The following FOXJ3 variants were observed in gnomAD, a reference collection of about 807,000 sequenced individuals.
FOXJ3 encodes forkhead box protein J3.
A neutral mutation model predicts 76.1 loss-of-function variants in FOXJ3; 22 were observed. The ratio of observed to expected loss-of-function variants is 0.29; its 90% CI spans 0.21 to 0.41. The LOEUF is 0.41. Ranked by LOEUF, FOXJ3 falls within the 10% of genes least tolerant of loss-of-function variation. The pLI is 1.00. For synonymous variants in FOXJ3, 269 were observed against 261.2 expected (o/e 1.03, Z -0.29); for missense variants, 613 against 762.1 (o/e 0.80, Z 2.30).
At chr1:42,280,605 A>G (rs1177207986) in intron 2 of FOXJ3, among the ~76,000 whole-genome samples, 1 of 152,142 alleles carries the variant, frequency 6.6e-6, no homozygotes, top group Non-Finnish European at 1.5e-5. Flanking sequence ...TAGAGATCAG[A>G]GATGAATCCC....
intron 2 of FOXJ3, among the ~76,000 whole-genome samples, chr1:42,295,045 C>T (rs1653692963): frequency 6.6e-6 from 1 of 152,060 alleles, no homozygotes; most frequent in Admixed American, 6.5e-5. Context: ...AGTTAGTTTT[C>T]TTGAAACCAA....
At chr1:42,331,276 G>A (rs777298621) in intron 1 of FOXJ3, among the ~76,000 whole-genome samples, 1 of 152,100 alleles carries the variant, frequency 6.6e-6, no homozygotes, top group Non-Finnish European at 1.5e-5. Context: ...CAGCTACTGT[G>A]GAGGGTGAGG....
chr1:42,308,592 G>A (rs1654609203), intron 2 of FOXJ3, among the ~76,000 whole-genome samples: 1 of 152,084 alleles, frequency 6.6e-6, no homozygotes, highest in African/African-American at 2.4e-5. Context: ...GAATGCCGTA[G>A]GGCTTCTCGG....
chr1:42,202,431 C>G (rs1251570175), intron 6 of FOXJ3, among the ~76,000 whole-genome samples: 1 of 151,142 alleles, frequency 6.6e-6, no homozygotes, highest in Non-Finnish European at 1.5e-5. Context: ...AAGTAAAGAA[C>G]ATTAGTGAGC....
chr1:42,308,793 C>T (rs1377725824), intron 2 of FOXJ3, among the ~76,000 whole-genome samples: 1 of 152,034 alleles, frequency 6.6e-6, no homozygotes, highest in African/African-American at 2.4e-5. Flanking sequence ...TCTCTTTCAT[C>T]AAACAAAAGT....
At chr1:42,229,381 G>A (rs1261775772) in intron 4 of FOXJ3, among the ~76,000 whole-genome samples, 1 of 152,052 alleles carries the variant, frequency 6.6e-6, no homozygotes, top group African/African-American at 2.4e-5. Context: ...CAGACACAAA[G>A]CAAGTACTCA....
At chr1:42,295,490 T>C (rs374935690) in intron 2 of FOXJ3, among the ~76,000 whole-genome samples, 3 of 151,578 alleles carry the variant, frequency 2.0e-5, no homozygotes, top group Non-Finnish European at 4.4e-5. Context: ...TTTGCTGTTA[T>C]GAATAGTGTT....
At chr1:42,255,207 G>C (rs1342471887) in intron 4 of FOXJ3, among the ~76,000 whole-genome samples, 1 of 152,150 alleles carries the variant, frequency 6.6e-6, no homozygotes, top group South Asian at 2.1e-4. Context: ...AAATTATACT[G>C]TTGTAACGTT....
chr1:42,296,971 A>T (rs1398950285), intron 2 of FOXJ3, among the ~76,000 whole-genome samples: 1 of 152,064 alleles, frequency 6.6e-6, no homozygotes, highest in Non-Finnish European at 1.5e-5. Flanking sequence ...GTCATCTGCA[A>T]TTTCTTCCAT....
chr1:42,244,434 G>A (rs1649379967), intron 4 of FOXJ3, among the ~76,000 whole-genome samples: 1 of 152,124 alleles, frequency 6.6e-6, no homozygotes, highest in Non-Finnish European at 1.5e-5. Context: ...CAGGTATCCT[G>A]TTAGTCCTGG....
chr1:42,324,208 AC>A (rs1655676119), intron 1 of FOXJ3, among the ~76,000 whole-genome samples: 1 of 110,084 alleles, frequency 9.1e-6, no homozygotes, highest in African/African-American at 3.4e-5. Context: ...CTATATATAT[AC>A]TATATATATA....
intron 1 of FOXJ3, among the ~76,000 whole-genome samples, chr1:42,311,677 T>TAGTAGTAGTAGTAGTAGTAGTAGC (rs1654824480): frequency 1.3e-5 from 2 of 151,916 alleles, no homozygotes; most frequent in African/African-American, 4.8e-5. Flanking sequence ...GTAGTAGTAG[T>TAGTAGTAGTAGTAGTAGTAGTAGC]AAAGAGAAGC....
intron 4 of FOXJ3, among the ~76,000 whole-genome samples, chr1:42,260,683 GA>G (rs940575739): frequency 1.3e-5 from 2 of 150,726 alleles, no homozygotes; most frequent in African/African-American, 2.4e-5. Flanking sequence ...AATTTTTAAA[GA>G]AAAAAAAATC....
chr1:42,267,088 C>G (rs1651521968), intron 3 of FOXJ3, among the ~76,000 whole-genome samples: 1 of 152,056 alleles, frequency 6.6e-6, no homozygotes, highest in Non-Finnish European at 1.5e-5. Context: ...CCAAAAGTAA[C>G]TACAGATACA....
intron 2 of FOXJ3, among the ~76,000 whole-genome samples, chr1:42,302,786 T>A (rs1654234245): frequency 6.6e-6 from 1 of 152,174 alleles, no homozygotes; most frequent in Non-Finnish European, 1.5e-5. Context: ...GCACTGTTAG[T>A]AGGCATGTGT....
At chr1:42,231,792 C>T (rs767075245) in intron 4 of FOXJ3, among the ~76,000 whole-genome samples, 1 of 152,056 alleles carries the variant, frequency 6.6e-6, no homozygotes, top group Non-Finnish European at 1.5e-5. Context: ...CACACCCCAC[C>T]CCCACGCCTG....
chr1:42,222,620 A>C lies in FOXJ3; in HGVS notation c.528+5263T>G, dbSNP rs763812457. Among the ~76,000 whole-genome samples the C allele has an allele frequency of 3.2e-4, 49 of 152,206 alleles. 2 individuals are homozygous for C. The highest frequency in any genetic ancestry group is 3.2e-4 in the Non-Finnish European group (22 of 68,034). Reference sequence around the variant, plus strand: ...ATAATGCAAATTAACTTCAAAAAGGAAAATCTTATCCAGACAAAATTAACT... The same window carrying C: ...ATAATGCAAATTAACTTCAAAAAGGCAAATCTTATCCAGACAAAATTAACT... On this transcript the variant is annotated intron_variant, in intron 5 of 12. Transcript: ENST00000361346.
At chr1:42,239,033 C>G (rs1175860974) in intron 4 of FOXJ3, among the ~76,000 whole-genome samples, 1 of 152,132 alleles carries the variant, frequency 6.6e-6, no homozygotes, top group Non-Finnish European at 1.5e-5. Context: ...TAAAATGTAT[C>G]CCTAAAGTAT....
At chr1:42,251,870 C>G (rs968957361) in intron 4 of FOXJ3, among the ~76,000 whole-genome samples, 1 of 151,846 alleles carries the variant, frequency 6.6e-6, no homozygotes, top group Non-Finnish European at 1.5e-5. Flanking sequence ...AGGCGCGCGC[C>G]ACCATGCCCG....
Sources: allele counts gnomAD v4.1 joint callset (sites outside exome capture counted in the v4.1 genomes callset), GRCh38; gene constraint gnomAD v4.1.1; transcripts MANE v1.5; gene names NCBI Gene and HGNC (gene_info 2026-07-23, HGNC 2026-07-21).